Variants in GGT1 observed in about 807,000 individuals in gnomAD.
GGT1 encodes the protein gamma-glutamyltransferase 1, also known as glutathione hydrolase 1 proenzyme.
A neutral mutation model predicts 56.0 loss-of-function variants in GGT1; 21 were observed. That is an observed-to-expected ratio of 0.38 (90% CI 0.27 to 0.54). The LOEUF is 0.54. GGT1 is among the 20% of genes least tolerant of loss of function. The pLI, the probability that GGT1 is intolerant of heterozygous loss-of-function variation, is 0.82. For missense variants in GGT1, 466 were observed against 787.0 expected, an observed-to-expected ratio of 0.59 and a Z score of 4.88; for synonymous variants, 238 against 342.6, an observed-to-expected ratio of 0.69 and a Z score of 3.37.
chr22:24,589,947 G>A (rs2045519320), upstream of GGT1: 1 of 1,592,816 alleles, frequency 6.3e-7, no homozygotes, highest in Non-Finnish European at 8.5e-7. Flanking sequence ...CAAGGCCCAG[G>A]TCCTGTGAGT....
At chr22:24,592,414 C>T, upstream of GGT1, 1 of 470,700 alleles carries the variant, frequency 2.1e-6, no homozygotes, top group Admixed American at 2.4e-5. Context: ...GGTCCACTGT[C>T]TCCCGGATCC....
upstream of GGT1, among the ~76,000 whole-genome samples, chr22:24,600,536 A>G (rs539299082): frequency 8.3e-4 from 127 of 152,356 alleles, no homozygotes; most frequent in African/African-American, 3.0e-3. Flanking sequence ...GCCATGCTTC[A>G]GTCTGTGTCC....
At chr22:24,611,543 C>CTATCTATCTATCATCT (rs1349743774) in intron 5 of GGT1, among the ~76,000 whole-genome samples, 1 of 119,440 alleles carries the variant, frequency 8.4e-6, no homozygotes, top group African/African-American at 3.3e-5. Flanking sequence ...ATCTATCTAT[C>CTATCTATCTATCATCT]ATCTATCTAT....
chr22:24,622,739 C>A (rs1383811845), intron 9 of GGT1, among the ~76,000 whole-genome samples: 4 of 150,718 alleles, frequency 2.7e-5, no homozygotes, highest in Non-Finnish European at 5.9e-5. Context: ...AAGATCCTAT[C>A]TCTAAAAAAA....
At chr22:24,626,234 CG>C (rs1430039550) in intron 11 of GGT1, among the ~76,000 whole-genome samples, 2,677 of 144,782 alleles carry the variant, frequency 0.018, 82 homozygotes, top group African/African-American at 0.064. Context: ...CGTCGTGATC[CG>C]CCCTCCCAAA....
At chr22:24,626,348 G>A (rs1205940067) in intron 11 of GGT1, among the ~76,000 whole-genome samples, 2 of 35,396 alleles carry the variant, frequency 5.7e-5, no homozygotes, top group Non-Finnish European at 1.7e-4. Flanking sequence ...TTCGGCCTTC[G>A]GGTCCATCCT....
chr22:24,595,419 T>G (rs1469944974), intron 1 of GGT1, among the ~76,000 whole-genome samples: 1 of 152,214 alleles, frequency 6.6e-6, no homozygotes, highest in Non-Finnish European at 1.5e-5. Flanking sequence ...GGAGGGCTGC[T>G]GGCCCGTCTC....
In GGT1 at chr22:24,627,470, G is replaced by A; in HGVS notation, c.1059G>A (p.Gln353=). 1 of 1,537,366 alleles carries A rather than the reference G, an allele frequency of 6.5e-7. No homozygotes were observed. Among genetic ancestry groups the A allele is most frequent in the East Asian group, 2.6e-5 (1 of 38,034 alleles). The change falls in exon 12 of 16, where the codon CAG becomes CAA. Residue 353 remains glutamine, a synonymous_variant. Coordinates refer to ENST00000400382, the MANE Select transcript of GGT1 (RefSeq NM_001288833.2). ...TGACCTCCGAGTTCTTCGCTGCCCA[G>A]CTCCGGGCCCAGATCTCTGACGACA... ...RNMTSEFFAA[Q]LRAQISDDTT...
At position 24,611,064 on chromosome 22, in the gene GGT1, C is replaced by G. The variant is rs190189810; in HGVS notation, c.-7-11C>G. 6 of 1,594,992 alleles carry G rather than the reference C, an allele frequency of 3.8e-6. No individual in the cohort carries two copies. In the African/African-American group the frequency reaches 6.7e-5, roughly 18 times the overall value. On this transcript the variant is annotated splice_polypyrimidine_tract_variant and intron_variant, in intron 4 of 15. Transcript: ENST00000400382. ...CTAGGCCTGACCCTGCTTCTTACCC[C>G]GTGGGTGCAGCAGAGCCATGAAGAA... is the stretch of plus-strand genomic sequence containing the variant.
chr22:24,585,620 T>C, the GGT1 span: 15 of 525,084 alleles, frequency 2.9e-5, no homozygotes, highest in Non-Finnish European at 4.4e-5. Context: ...AGGTTGGTGA[T>C]GCAGAAAAGC....
upstream of GGT1, among the ~76,000 whole-genome samples, chr22:24,600,096 G>T (rs2082902387): frequency 6.6e-6 from 1 of 152,226 alleles, no homozygotes; most frequent in Non-Finnish European, 1.5e-5. Flanking sequence ...CCTGTGGAGG[G>T]TGCCTTGGGC....
chr22:24,598,429 G>A (rs1313123679), upstream of GGT1, among the ~76,000 whole-genome samples: 2 of 119,118 alleles, frequency 1.7e-5, no homozygotes, highest in African/African-American at 7.0e-5. Flanking sequence ...AACAGAGCGA[G>A]ACTGAGACTC....
chr22:24,587,700 C>A, the GGT1 span, among the ~76,000 whole-genome samples: 1 of 152,190 alleles, frequency 6.6e-6, no homozygotes, highest in African/African-American at 2.4e-5. Context: ...ATTGGGCAGC[C>A]ACGGAAGCCT....
chr22:24,597,684 A>ACACACACACACAC (rs60798811), intron 1 of GGT1, among the ~76,000 whole-genome samples: 27 of 148,836 alleles, frequency 1.8e-4, no homozygotes, highest in African/African-American at 6.6e-4. Context: ...CCATCTCAAA[A>ACACACACACACAC]ACACACACAC....
chr22:24,589,454 C>T, the GGT1 span: 1 of 837,880 alleles, frequency 1.2e-6, no homozygotes, highest in African/African-American at 1.9e-5. Context: ...AATTCAGAGG[C>T]TAGGAGTTTG....
intron 5 of GGT1, among the ~76,000 whole-genome samples, chr22:24,611,894 C>T (rs887584431): frequency 6.6e-6 from 1 of 151,978 alleles, no homozygotes; most frequent in Admixed American, 6.6e-5. Context: ...GCAACCTCCA[C>T]CTCCCAGGTT....
the GGT1 span, chr22:24,588,442 T>C: frequency 1.2e-6 from 1 of 848,280 alleles, no homozygotes; most frequent in Non-Finnish European, 1.9e-6. Flanking sequence ...TCATGCACCA[T>C]GCATCACCGA....
intron 11 of GGT1, among the ~76,000 whole-genome samples, chr22:24,625,130 C>T (rs527846984): frequency 6.6e-6 from 1 of 152,308 alleles, no homozygotes; most frequent in African/African-American, 2.4e-5. Flanking sequence ...TCGTGTTTTT[C>T]TGAGGGATTC....
At chr22:24,592,536 C>T (rs1203582012), upstream of GGT1, 2 of 436,686 alleles carry the variant, frequency 4.6e-6, no homozygotes, top group Middle Eastern at 3.3e-4. Context: ...AATTTGGGCT[C>T]TTAGGTCCAG....
Sources: gnomAD v4.1 joint callset for allele counts (sites outside exome capture counted in the v4.1 genomes callset) on GRCh38, gnomAD v4.1.1 for gene constraint, MANE v1.5 for transcripts, NCBI Gene and HGNC (gene_info 2026-07-23, HGNC 2026-07-21) for gene names.